The following ZNF729 variants were observed in gnomAD, a reference collection of about 807,000 sequenced individuals.
ZNF729 encodes zinc finger protein 729.
In ZNF729, 15 loss-of-function variants were observed where a neutral mutation model predicts 12.2. The ratio of observed to expected loss-of-function variants is 1.23; its 90% CI spans 0.82 to 1.89. The LOEUF is 1.89. ZNF729 is among the 40% of genes most tolerant of loss of function. The probability of loss-of-function intolerance (pLI) is 0.00; values close to 1 mark genes in which losing one functional copy is unlikely to be tolerated. For synonymous variants in ZNF729, 492 were observed against 476.3 expected, an observed-to-expected ratio of 1.03 and a Z score of -0.43; for missense variants, 1,540 against 1,456.7, an observed-to-expected ratio of 1.06 and a Z score of -0.93.
At chr19:22,311,429 A>G (rs1258686511) in intron 3 of ZNF729, among the ~76,000 whole-genome samples, 1 of 151,984 alleles carries the variant, frequency 6.6e-6, no homozygotes, top group Admixed American at 6.6e-5. Context: ...TTTAATTTCC[A>G]TTTTGATTTC....
intron 3 of ZNF729, 82 bp downstream of exon 3, chr19:22,304,865 G>C: frequency 7.1e-7 from 1 of 1,401,436 alleles, no homozygotes; most frequent in Non-Finnish European, 9.7e-7. Flanking sequence ...AATGTGACCT[G>C]AGAAGCTGTG....
rs759318949 is a variant in ZNF729 at position 22,313,677 on chromosome 19, G to A, written c.260G>A (p.Arg87His). ...HEMVTKPPVM[R>H]SHFTQDLWPD... ...TTATTTTTATTTCTTCTAGTTATGC[G>A]TTCTCATTTTACACAAGACCTTTGG... Residue 87 changes from arginine to histidine, a missense_variant, in exon 4 of 4, where the codon CGT (arginine) becomes CAT (histidine). Arg to His is a conservative substitution (Grantham distance 29, BLOSUM62 0). Coordinates refer to ENST00000601693, the MANE Select transcript of ZNF729 (RefSeq NM_001242680.2). 5.2e-5 allele frequency: 77 copies of A among 1,476,860 alleles called. No individual in the cohort carries two copies. The highest frequency in any genetic ancestry group is 1.2e-4 in the East Asian group (5 of 42,294). 91.5% of individuals were successfully genotyped at this position (1,476,860 alleles called of 1,614,324 possible). A position where few individuals can be genotyped will look rare whatever the true frequency, so the allele number is the denominator to read the frequency against.
At chr19:22,312,941 G>A (rs1331660269) in intron 3 of ZNF729, among the ~76,000 whole-genome samples, 4 of 152,058 alleles carry the variant, frequency 2.6e-5, no homozygotes, top group Non-Finnish European at 4.4e-5. Flanking sequence ...TCGAACTCCC[G>A]ACCTCAGGTG....
chr19:22,313,028 T>C (rs1396057118), intron 3 of ZNF729, among the ~76,000 whole-genome samples: 1 of 151,646 alleles, frequency 6.6e-6, no homozygotes, highest in Non-Finnish European at 1.5e-5. Context: ...ACTGTTTTAT[T>C]TGTCTTTAAA....
chr19:22,289,782 G>A (rs949083623), intron 1 of ZNF729, among the ~76,000 whole-genome samples: 1 of 152,098 alleles, frequency 6.6e-6, no homozygotes, highest in African/African-American at 2.4e-5. Flanking sequence ...TTGTAACCGT[G>A]AATATCTCTA....
chr19:22,317,095 C>G lies in ZNF729; in HGVS notation c.3678C>G (p.Ser1226Arg), dbSNP rs769047671. The G allele has an allele frequency of 1.3e-6, 2 of 1,599,926 alleles. No individual in the cohort carries two copies. Among genetic ancestry groups the G allele is most frequent in the Non-Finnish European group, 1.7e-6 (2 of 1,174,230 alleles). Residue 1226 changes from serine to arginine, a missense_variant, in exon 4 of 4, where the codon AGC (serine) becomes AGG (arginine). Physicochemically the swap from Ser to Arg is moderately radical, Grantham distance 110 (BLOSUM62 -1). Transcript: ENST00000601693. ...TNVKKVPKLL[S>R]NPHTLLDKTI... Reference sequence around the variant, plus strand: ...TGAAGAAAGTACCAAAGCTTTTAAGCAATCCTCACACCTTACTAGACAAAA... The same window carrying G: ...TGAAGAAAGTACCAAAGCTTTTAAGGAATCCTCACACCTTACTAGACAAAA...
intron 1 of ZNF729, among the ~76,000 whole-genome samples, chr19:22,300,390 G>A (rs1384337752): frequency 3.9e-5 from 6 of 152,132 alleles, no homozygotes; most frequent in Non-Finnish European, 8.8e-5. Context: ...ACAGTTTTAT[G>A]TCTGTTCTAT....
Position 22,306,774 on chromosome 19 carries a change from T to C in ZNF729, c.253+1991T>C, listed in dbSNP as rs377627285. ...ATTTCATATTGTGTATTCAGATTTA[T>C]GCAGATTTACATTTTGTTTTTATAT... On this transcript the variant is annotated intron_variant, in intron 3 of 3. Coordinates refer to ENST00000601693, the MANE Select transcript of ZNF729 (RefSeq NM_001242680.2). 2.0e-4 allele frequency among the ~76,000 whole-genome samples: 31 copies of C among 151,534 alleles called. 1 individual carries two copies. The East Asian group carries it at 2.5e-3, about 12-fold the overall frequency.
intron 3 of ZNF729, among the ~76,000 whole-genome samples, chr19:22,305,780 ATCT>A (rs1055259209): frequency 2.5e-4 from 38 of 152,186 alleles, no homozygotes; most frequent in African/African-American, 9.2e-4. Context: ...CCACTCAGTC[ATCT>A]TCTTTCTTTT....
Position 22,316,259 on chromosome 19 carries a change from T to G in ZNF729, c.2842T>G (p.Ser948Ala). The G allele has an allele frequency of 1.2e-6, 2 of 1,613,724 alleles. No individual in the cohort carries two copies. Among genetic ancestry groups the G allele is most frequent in the Non-Finnish European group, 1.7e-6 (2 of 1,179,778 alleles). Residue 948 changes from serine to alanine, a missense_variant, in exon 4 of 4, where the codon TCC becomes GCC. Coordinates refer to ENST00000601693, the MANE Select transcript of ZNF729 (RefSeq NM_001242680.2). Reference protein sequence around the residue: ...CEECGKAFNDSSTLMKHKIIH... With the variant: ...CEECGKAFNDASTLMKHKIIH... ...AGAATGTGGCAAAGCTTTTAATGATTCCTCAACCCTTATGAAGCATAAGAT... is the reference window on the plus strand; with the variant it reads ...AGAATGTGGCAAAGCTTTTAATGATGCCTCAACCCTTATGAAGCATAAGAT...
intron 3 of ZNF729, among the ~76,000 whole-genome samples, chr19:22,307,800 GTTTTTTTTTTT>G: frequency 1.1e-4 from 6 of 53,368 alleles, no homozygotes; most frequent in South Asian, 8.9e-4. Flanking sequence ...AAAGCTCTGT[GTTTTTTTTTTT>G]TTTTTTTTTT....
At chr19:22,287,400 G>A (rs1968093753) in intron 1 of ZNF729, among the ~76,000 whole-genome samples, 1 of 151,814 alleles carries the variant, frequency 6.6e-6, no homozygotes, top group Non-Finnish European at 1.5e-5. Context: ...CTGAGTAGCT[G>A]GGATTACAGG....
chr19:22,315,368 A>G lies in ZNF729; in HGVS notation c.1951A>G (p.Thr651Ala). Residue 651 changes from threonine (T) to alanine (A), a missense_variant, in exon 4 of 4, where the codon ACT becomes GCT. Physicochemically the swap from Thr to Ala is moderately conservative, Grantham distance 58. Coordinates refer to ENST00000601693, the MANE Select transcript of ZNF729 (RefSeq NM_001242680.2). ...SHLTRHKAIH[T>A]GEKPYKCEEC... The stretch of plus-strand genomic sequence containing the variant: ...CCTTACTAGACATAAAGCAATTCAT[A>G]CTGGAGAGAAACCTTACAAATGTGA... 1 of 1,613,662 alleles carries G rather than the reference A, an allele frequency of 6.2e-7. No individual in the cohort carries two copies. The highest frequency in any genetic ancestry group is 1.7e-5 in the Admixed American group (1 of 59,986).
chr19:22,289,075 ATTTGGTCGCTTAT>A (rs1004949220), intron 1 of ZNF729, among the ~76,000 whole-genome samples: 8 of 147,844 alleles, frequency 5.4e-5, no homozygotes, highest in Non-Finnish European at 3.0e-5. Flanking sequence ...CCTTGAAAAG[ATTTGGTCGCTTAT>A]TTTGACCTCA....
At chr19:22,305,927 T>C (rs2145052033) in intron 3 of ZNF729, among the ~76,000 whole-genome samples, 1 of 152,200 alleles carries the variant, frequency 6.6e-6, no homozygotes, top group Non-Finnish European at 1.5e-5. Flanking sequence ...TTTCAACCTC[T>C]TAAGTAGCTG....
In ZNF729 at chr19:22,316,613, C is replaced by A; in HGVS notation, c.3196C>A (p.His1066Asn). 6.2e-7 allele frequency: 1 copy of A among 1,612,848 alleles called. No individual in the cohort carries two copies. Among genetic ancestry groups the A allele is most frequent in the Non-Finnish European group, 8.5e-7 (1 of 1,179,736 alleles). ...AFKWSSKLTEHKVIHTGEKPC... is the reference protein window; with the variant it reads ...AFKWSSKLTENKVIHTGEKPC... ...TAAGTGGTCCTCAAAACTTACTGAA[C>A]ATAAGGTAATTCATACTGGAGAGAA... is the stretch of plus-strand genomic sequence containing the variant. The change falls in exon 4 of 4, where the codon CAT becomes AAT. Residue 1066 changes from histidine to asparagine, a missense_variant. Coordinates refer to ENST00000601693, the MANE Select transcript of ZNF729 (RefSeq NM_001242680.2).
rs1968078757 is a variant in ZNF729, at chr19:22,286,495, A to G, written c.-31A>G. On this transcript the variant is annotated 5_prime_UTR_variant, in exon 1 of 4. Transcript: ENST00000601693. ...GTGTCCTCAGCCTCTGTGGCCCTGTAACCTGCGGCATTGGAAGATCCACAG... is the reference window on the plus strand; with the variant it reads ...GTGTCCTCAGCCTCTGTGGCCCTGTGACCTGCGGCATTGGAAGATCCACAG... 1 of 1,612,158 alleles carries G rather than the reference A, an allele frequency of 6.2e-7. No homozygotes were observed. The highest frequency in any genetic ancestry group is 8.5e-7 in the Non-Finnish European group (1 of 1,179,722).
Position 22,316,527 on chromosome 19 carries a change from AACAT to A in ZNF729, c.3112_3115del (p.His1038ArgfsTer2). On this transcript the variant is annotated frameshift_variant, in exon 4 of 4. Coordinates refer to ENST00000601693, the MANE Select transcript of ZNF729 (RefSeq NM_001242680.2). LOFTEE classifies it low-confidence loss of function (END_TRUNC). ...TTTAACAATTTCTCAGCCCTTATGA[AACAT>A]AAGATAATTCATACTGGGGAGAAAC... The A allele has an allele frequency of 6.2e-7, 1 of 1,613,652 alleles. No homozygotes were observed. The highest frequency in any genetic ancestry group is 1.3e-5 in the African/African-American group (1 of 75,014).
intron 3 of ZNF729, among the ~76,000 whole-genome samples, chr19:22,306,447 AAAAG>A (rs1968378694): frequency 2.7e-5 from 4 of 150,440 alleles, no homozygotes; most frequent in East Asian, 3.9e-4. Context: ...CAAAAAAAAA[AAAAG>A]AAAAGAAAAG....
Sources: allele counts gnomAD v4.1 joint callset (sites outside exome capture counted in the v4.1 genomes callset), GRCh38; gene constraint gnomAD v4.1.1; transcripts MANE v1.5; gene names NCBI Gene and HGNC (gene_info 2026-07-23, HGNC 2026-07-21).